Variants in UST observed in about 807,000 individuals in gnomAD.
The protein encoded by UST is uronyl 2-sulfotransferase.
A neutral mutation model predicts 45.6 loss-of-function variants in UST; 21 were observed. That is an observed-to-expected ratio of 0.46 (90% CI 0.33 to 0.66). The LOEUF (loss-of-function observed/expected upper bound fraction) is 0.66, where lower values mean the gene tolerates loss of function less well. Ranked by LOEUF, UST falls within the 30% of genes least tolerant of loss-of-function variation. UST has a pLI of 0.02. For missense variants in UST, 463 were observed against 512.4 expected, an observed-to-expected ratio of 0.90 and a Z score of 0.93; for synonymous variants, 215 against 200.6, an observed-to-expected ratio of 1.07 and a Z score of -0.61.
chr6:148,830,840 G>A (rs1777671106), intron 1 of UST, among the ~76,000 whole-genome samples: 1 of 152,100 alleles, frequency 6.6e-6, no homozygotes, highest in South Asian at 2.1e-4. Context: ...AATGTGTAGA[G>A]TTTCAGTTTG....
At chr6:148,834,909 C>T (rs1023818487) in intron 1 of UST, among the ~76,000 whole-genome samples, 3 of 152,082 alleles carry the variant, frequency 2.0e-5, no homozygotes, top group Non-Finnish European at 2.9e-5. Context: ...TTTAGCATGA[C>T]CTATTAATAT....
At chr6:148,911,874 C>T (rs1779481616) in intron 2 of UST, among the ~76,000 whole-genome samples, 1 of 152,146 alleles carries the variant, frequency 6.6e-6, no homozygotes, top group African/African-American at 2.4e-5. Context: ...AGCCTCAAAT[C>T]CTTTTTGCCA....
At chr6:149,020,228 G>T (rs1439034372) in intron 6 of UST, among the ~76,000 whole-genome samples, 1 of 152,186 alleles carries the variant, frequency 6.6e-6, no homozygotes, top group Non-Finnish European at 1.5e-5. Context: ...AAAAGAGTTT[G>T]CTTATAGTCC....
At chr6:148,755,147 A>G (rs1776071212) in intron 1 of UST, among the ~76,000 whole-genome samples, 2 of 152,196 alleles carry the variant, frequency 1.3e-5, no homozygotes, top group African/African-American at 4.8e-5. Flanking sequence ...AGCAGGAGAA[A>G]ACATTTGGGT....
intron 1 of UST, among the ~76,000 whole-genome samples, chr6:148,815,691 T>C (rs2114736301): frequency 6.6e-6 from 1 of 151,838 alleles, no homozygotes; most frequent in South Asian, 2.1e-4. Flanking sequence ...AAAAAAAGAG[T>C]TCAGAACAAA....
chr6:149,027,436 G>A (rs1326323488), intron 7 of UST, among the ~76,000 whole-genome samples: 1 of 152,214 alleles, frequency 6.6e-6, no homozygotes, highest in South Asian at 2.1e-4. Flanking sequence ...CAAGTGGATG[G>A]TCTTTAAGAT....
chr6:149,038,712 G>C (rs762744712), intron 7 of UST, among the ~76,000 whole-genome samples: 1 of 152,150 alleles, frequency 6.6e-6, no homozygotes, highest in Admixed American at 6.6e-5. Context: ...ATCTGCCCAC[G>C]TTCAAAGCAG....
chr6:148,757,823 T>G (rs1357404326), intron 1 of UST, among the ~76,000 whole-genome samples: 1 of 152,194 alleles, frequency 6.6e-6, no homozygotes, highest in East Asian at 1.9e-4. Flanking sequence ...AAGGCCTTCT[T>G]TGGGGCAGAA....
intron 4 of UST, among the ~76,000 whole-genome samples, chr6:148,955,341 T>C (rs1780468475): frequency 6.6e-6 from 1 of 152,230 alleles, no homozygotes; most frequent in Admixed American, 6.5e-5. Flanking sequence ...GCAGGTCCTG[T>C]GCAAGTTAAG....
intron 1 of UST, among the ~76,000 whole-genome samples, chr6:148,841,799 A>C (rs1777896985): frequency 6.6e-6 from 1 of 152,192 alleles, no homozygotes; most frequent in Admixed American, 6.5e-5. Flanking sequence ...TACATTAATC[A>C]TGTGTCAATT....
intron 7 of UST, 144 bp downstream of exon 7, chr6:149,021,625 A>C: frequency 1.0e-6 from 1 of 964,576 alleles, no homozygotes; most frequent in Non-Finnish European, 1.5e-6. Context: ...TGCAAAGGAA[A>C]GTTAGAACCA....
intron 5 of UST, among the ~76,000 whole-genome samples, chr6:148,987,742 TTTGGGAAACATCA>T (rs1392507898): frequency 6.6e-6 from 1 of 152,176 alleles, no homozygotes; most frequent in Admixed American, 6.5e-5. Context: ...TTTTCCACCA[TTTGGGAAACATCA>T]TTGAATAGAA....
At chr6:148,884,714 G>A (rs190828984) in intron 1 of UST, among the ~76,000 whole-genome samples, 8 of 152,254 alleles carry the variant, frequency 5.3e-5, no homozygotes, top group Non-Finnish European at 1.2e-4. Context: ...AAGGCTGAAC[G>A]ATCTCTCTGG....
intron 7 of UST, among the ~76,000 whole-genome samples, chr6:149,070,001 C>A (rs572684352): frequency 6.6e-6 from 1 of 152,336 alleles, no homozygotes; most frequent in Admixed American, 6.5e-5. Flanking sequence ...GAACAGATTT[C>A]CAAATTACTT....
At chr6:148,768,883 T>G (rs1776368365) in intron 1 of UST, among the ~76,000 whole-genome samples, 1 of 152,224 alleles carries the variant, frequency 6.6e-6, no homozygotes, top group Admixed American at 6.5e-5. Context: ...TTCTGCTGCC[T>G]CTCTCAGCTA....
chr6:148,794,797 A>G (rs1190729753), intron 1 of UST, among the ~76,000 whole-genome samples: 2 of 152,216 alleles, frequency 1.3e-5, no homozygotes, highest in Admixed American at 6.5e-5. Context: ...CCTTAAATAC[A>G]TGGAATAATT....
intron 2 of UST, among the ~76,000 whole-genome samples, chr6:148,933,009 A>G (rs1779951403): frequency 6.6e-6 from 1 of 152,190 alleles, no homozygotes; most frequent in South Asian, 2.1e-4. Context: ...GAAGTTGTTC[A>G]GGATCATTTG....
chr6:148,954,772 A>G (rs1438189980), intron 4 of UST, among the ~76,000 whole-genome samples: 2 of 152,218 alleles, frequency 1.3e-5, no homozygotes, highest in African/African-American at 2.4e-5. Flanking sequence ...CTGGGGAGGT[A>G]TTTAAAATTC....
intron 5 of UST, among the ~76,000 whole-genome samples, chr6:149,000,983 G>A (rs1271260120): frequency 6.6e-6 from 1 of 151,802 alleles, no homozygotes; most frequent in Non-Finnish European, 1.5e-5. Context: ...CATCTGATAG[G>A]AGATCCAGAA....
Sources: allele counts gnomAD v4.1 joint callset (sites outside exome capture counted in the v4.1 genomes callset), GRCh38; gene constraint gnomAD v4.1.1; transcripts MANE v1.5; gene names NCBI Gene and HGNC (gene_info 2026-07-23, HGNC 2026-07-21).